KCNMB4: variants seen among roughly 807,000 people sequenced by gnomAD.
The protein encoded by KCNMB4 is potassium calcium-activated channel subfamily M regulatory beta subunit 4.
Under a neutral mutation model 20.7 loss-of-function variants are expected in KCNMB4, and 3 were observed. The ratio of observed to expected loss-of-function variants is 0.14; its 90% CI spans 0.07 to 0.37. The LOEUF is 0.37. Ranked by LOEUF, KCNMB4 falls within the 10% of genes least tolerant of loss-of-function variation. KCNMB4 has a pLI of 1.00. For missense variants in KCNMB4, 168 were observed against 265.9 expected (o/e 0.63, Z 2.56); for synonymous variants, 110 against 113.4 (o/e 0.97, Z 0.19).
chr12:70,406,608 C>T (rs1034730853), intron 2 of KCNMB4, among the ~76,000 whole-genome samples: 5 of 152,176 alleles, frequency 3.3e-5, no homozygotes, highest in African/African-American at 1.2e-4. Flanking sequence ...CTGCCCTGGA[C>T]TGGGAACTGG....
At chr12:70,391,871 T>C (rs1019229463) in intron 1 of KCNMB4, among the ~76,000 whole-genome samples, 1 of 152,212 alleles carries the variant, frequency 6.6e-6, no homozygotes, top group Non-Finnish European at 1.5e-5. Context: ...GAAGAGAAGC[T>C]AGACCTCCAC....
chr12:70,394,576 A>T (rs1360084878), intron 1 of KCNMB4, among the ~76,000 whole-genome samples: 1 of 152,206 alleles, frequency 6.6e-6, no homozygotes, highest in Non-Finnish European at 1.5e-5. Context: ...CAATTAACCT[A>T]CATTCATAAG....
chr12:70,410,637 C>T (rs972218061), intron 2 of KCNMB4, among the ~76,000 whole-genome samples: 3 of 152,160 alleles, frequency 2.0e-5, no homozygotes, highest in Non-Finnish European at 2.9e-5. Flanking sequence ...AACACATTTG[C>T]ACCATAGCTA....
Position 70,366,860 on chromosome 12 carries a change from C to T in KCNMB4, c.126C>T (p.Pro42=), listed in dbSNP as rs181227533. The change falls in exon 1 of 3, where the codon CCC becomes CCT. Residue 42 remains proline (P), a synonymous_variant. Transcript: ENST00000258111. Reference sequence around the variant, plus strand: ...TCTTCGGCTTCTGCTGGCTGAGTCCCGCGCTGCAGGATCTGCAAGCCACGG... The same window carrying T: ...TCTTCGGCTTCTGCTGGCTGAGTCCTGCGCTGCAGGATCTGCAAGCCACGG... The part of the protein sequence containing the change: ...LFIFGFCWLS[P]ALQDLQATEA... The T allele has an allele frequency of 6.2e-7, 1 of 1,613,256 alleles. No individual in the cohort carries two copies. Among genetic ancestry groups the T allele is most frequent in the East Asian group, 2.2e-5 (1 of 44,818 alleles).
At chr12:70,405,176 A>T (rs1868564730) in intron 2 of KCNMB4, among the ~76,000 whole-genome samples, 1 of 152,190 alleles carries the variant, frequency 6.6e-6, no homozygotes, top group Non-Finnish European at 1.5e-5. Flanking sequence ...TAGCAAAGAA[A>T]ACACTCAACA....
intron 2 of KCNMB4, among the ~76,000 whole-genome samples, chr12:70,417,391 A>C (rs1452432416): frequency 6.6e-6 from 1 of 152,210 alleles, no homozygotes; most frequent in Non-Finnish European, 1.5e-5. Flanking sequence ...AGGAGGACAA[A>C]GCACCTAAAC....
Position 70,431,576 on chromosome 12 carries a change from T to A in KCNMB4, c.*923T>A, listed in dbSNP as rs1361018405. ...TCAAGCATTTTTTTTTCTTTGTCCT[T>A]GCCTTGATGTTATGAGTATTAAAAC... On this transcript the variant is annotated 3_prime_UTR_variant, in exon 3 of 3. Coordinates refer to ENST00000258111, the MANE Select transcript of KCNMB4 (RefSeq NM_014505.6). 6.6e-6 allele frequency: 1 copy of A among 152,076 alleles called. No homozygotes were observed. Among genetic ancestry groups the A allele is most frequent in the Non-Finnish European group, 1.5e-5 (1 of 68,028 alleles). 9.4% of individuals were successfully genotyped at this position (152,076 alleles called of 1,614,324 possible). A position where few individuals can be genotyped will look rare whatever the true frequency, so the allele number is the denominator to read the frequency against.
At chr12:70,409,442 G>C (rs1868706158) in intron 2 of KCNMB4, among the ~76,000 whole-genome samples, 2 of 152,100 alleles carry the variant, frequency 1.3e-5, no homozygotes. Context: ...CTTATCTATA[G>C]GATAAAGGCC....
chr12:70,418,486 A>C (rs1868967893), intron 2 of KCNMB4, among the ~76,000 whole-genome samples: 1 of 152,188 alleles, frequency 6.6e-6, no homozygotes, highest in African/African-American at 2.4e-5. Flanking sequence ...AGCAGATTCC[A>C]GGATTTTAGA....
intron 1 of KCNMB4, among the ~76,000 whole-genome samples, chr12:70,392,577 A>C (rs1014498952): frequency 3.9e-5 from 6 of 152,224 alleles, no homozygotes; most frequent in African/African-American, 1.4e-4. Context: ...ACTTGGAACC[A>C]ACCTAAATGC....
intron 2 of KCNMB4, among the ~76,000 whole-genome samples, chr12:70,403,651 T>C (rs1056919738): frequency 1.3e-5 from 2 of 152,202 alleles, no homozygotes; most frequent in African/African-American, 4.8e-5. Flanking sequence ...AAAGAAAATT[T>C]ACCACAGACC....
intron 2 of KCNMB4, among the ~76,000 whole-genome samples, chr12:70,408,556 C>T (rs1217597164): frequency 2.0e-5 from 3 of 151,770 alleles, no homozygotes; most frequent in Non-Finnish European, 2.9e-5. Flanking sequence ...GAGTCTGCAG[C>T]GGCCGAAGCA....
chr12:70,413,575 A>T (rs1157297400), intron 2 of KCNMB4, among the ~76,000 whole-genome samples: 3 of 152,182 alleles, frequency 2.0e-5, no homozygotes, highest in African/African-American at 7.2e-5. Context: ...CTTAGATAAA[A>T]TGGGGCTAGA....
chr12:70,402,948 C>T (rs550140778), intron 2 of KCNMB4, among the ~76,000 whole-genome samples: 1 of 152,254 alleles, frequency 6.6e-6, no homozygotes, highest in South Asian at 2.1e-4. Flanking sequence ...GGCAACCTCC[C>T]TTCATGTATC....
chr12:70,429,359 C>T (rs758887615), intron 2 of KCNMB4, among the ~76,000 whole-genome samples: 1 of 152,018 alleles, frequency 6.6e-6, no homozygotes, highest in Non-Finnish European at 1.5e-5. Flanking sequence ...AAATGTAAAC[C>T]TCTTGTATTA....
chr12:70,376,543 C>T (rs1369304369), intron 1 of KCNMB4, among the ~76,000 whole-genome samples: 1 of 151,970 alleles, frequency 6.6e-6, no homozygotes, highest in Non-Finnish European at 1.5e-5. Flanking sequence ...TTTTTATACA[C>T]TAGGAATGAA....
At chr12:70,386,613 A>T (rs1457698170) in intron 1 of KCNMB4, among the ~76,000 whole-genome samples, 8 of 148,510 alleles carry the variant, frequency 5.4e-5, no homozygotes, top group African/African-American at 2.0e-4. Context: ...TTTTTTTTTA[A>T]GGAGATGGGG....
At chr12:70,402,535 T>A (rs2136130657) in intron 2 of KCNMB4, among the ~76,000 whole-genome samples, 1 of 150,832 alleles carries the variant, frequency 6.6e-6, no homozygotes, top group Non-Finnish European at 1.5e-5. Flanking sequence ...TCCCAGCTAC[T>A]CAGGAAGCTA....
intron 2 of KCNMB4, among the ~76,000 whole-genome samples, chr12:70,401,508 T>C (rs1868449374): frequency 6.6e-6 from 1 of 152,178 alleles, no homozygotes; most frequent in South Asian, 2.1e-4. Context: ...TTCTAACACA[T>C]GAGTCTAATC....
Sources: allele counts gnomAD v4.1 joint callset (sites outside exome capture counted in the v4.1 genomes callset), GRCh38; gene constraint gnomAD v4.1.1; transcripts MANE v1.5; gene names NCBI Gene and HGNC (gene_info 2026-07-23, HGNC 2026-07-21).